GPC5: variants seen among roughly 807,000 people sequenced by gnomAD.
GPC5 encodes glypican 5.
Under a neutral mutation model 53.9 loss-of-function variants are expected in GPC5, and 47 were observed. The observed-to-expected ratio is 0.87, with a 90% CI of 0.69 to 1.11. GPC5 has a LOEUF of 1.11. Ranked by LOEUF, GPC5 falls within the 50% of genes most tolerant of loss-of-function variation. The pLI is 0.00. For synonymous variants in GPC5, 286 were observed against 263.3 expected (o/e 1.09, Z -0.84); for missense variants, 748 against 713.1 (o/e 1.05, Z -0.56).
At chr13:92,057,000 T>C (rs2041080185) in intron 6 of GPC5, among the ~76,000 whole-genome samples, 1 of 152,166 alleles carries the variant, frequency 6.6e-6, no homozygotes. Context: ...GATTAAAAAT[T>C]GACCATGAAT....
chr13:92,275,656 C>G (rs1296348922), intron 7 of GPC5, among the ~76,000 whole-genome samples: 1 of 151,974 alleles, frequency 6.6e-6, no homozygotes, highest in Non-Finnish European at 1.5e-5. Flanking sequence ...AGAAGAAGGG[C>G]CAAACCAAGC....
At chr13:92,248,235 G>C (rs1279142825) in intron 7 of GPC5, among the ~76,000 whole-genome samples, 2 of 152,154 alleles carry the variant, frequency 1.3e-5, no homozygotes, top group Middle Eastern at 3.4e-3. Flanking sequence ...AGCCCCATAG[G>C]CTGAGGGATT....
At position 92,497,865 on chromosome 13, in the gene GPC5, G is replaced by A. The variant is rs1020974612; in HGVS notation, c.1561+352876G>A. On this transcript the variant is annotated intron_variant, in intron 7 of 7. Coordinates refer to ENST00000377067, the MANE Select transcript of GPC5 (RefSeq NM_004466.6). The stretch of plus-strand genomic sequence containing the variant: ...CTCTCTTTGTAGTGATTGTGAATGG[G>A]AGTTCATTCATGATTTGTCTCTCTG... Among the ~76,000 whole-genome samples, 3 of 152,102 alleles carry A rather than the reference G, an allele frequency of 2.0e-5. No homozygotes were observed. In the East Asian group the frequency reaches 5.8e-4, roughly 30 times the overall value.
chr13:91,971,742 G>A (rs1355919674), intron 6 of GPC5, among the ~76,000 whole-genome samples: 9 of 152,202 alleles, frequency 5.9e-5, no homozygotes, highest in African/African-American at 2.2e-4. Flanking sequence ...TCATTCAGAA[G>A]CATGTTGTTA....
intron 6 of GPC5, among the ~76,000 whole-genome samples, chr13:92,073,413 G>A (rs2041228584): frequency 6.6e-6 from 1 of 152,136 alleles, no homozygotes; most frequent in South Asian, 2.1e-4. Flanking sequence ...TTCTGATCCA[G>A]TCTTCAGGGT....
In GPC5 at chr13:91,785,026, G is replaced by A. The variant is rs187853807; in HGVS notation, c.1280+28606G>A. Among the ~76,000 whole-genome samples, 37 of 152,240 alleles carry A rather than the reference G, an allele frequency of 2.4e-4. No individual in the cohort carries two copies. The East Asian group carries it at 5.8e-3, about 24-fold the overall frequency. ...ATTTGACACTTTATTTTTCCCCGTT[G>A]TTTGGTACAGTTCTTCTCGTGGCTA... On this transcript the variant is annotated intron_variant, in intron 5 of 7. Transcript: ENST00000377067.
chr13:92,089,502 CG>C (rs35031254), intron 6 of GPC5, among the ~76,000 whole-genome samples: 56,147 of 151,904 alleles, frequency 0.37, 11,295 homozygotes, highest in Admixed American at 0.47. Flanking sequence ...ATTTCCCACA[CG>C]GTTTTTTTAC....
intron 7 of GPC5, among the ~76,000 whole-genome samples, chr13:92,547,292 G>A (rs1210300454): frequency 6.6e-6 from 1 of 152,062 alleles, no homozygotes; most frequent in African/African-American, 2.4e-5. Context: ...AATCAGTGAA[G>A]GAATATATTT....
chr13:92,605,818 T>G (rs2139087807), intron 7 of GPC5, among the ~76,000 whole-genome samples: 1 of 151,296 alleles, frequency 6.6e-6, no homozygotes, highest in East Asian at 2.0e-4. Flanking sequence ...AAAGTTTGCC[T>G]GGATTTTTTT....
chr13:92,697,464 T>A (rs1887592250), intron 7 of GPC5, among the ~76,000 whole-genome samples: 1 of 152,184 alleles, frequency 6.6e-6, no homozygotes, highest in Non-Finnish European at 1.5e-5. Context: ...TTAGCAATTG[T>A]TAATGGGATT....
intron 7 of GPC5, among the ~76,000 whole-genome samples, chr13:92,803,751 C>A (rs1354269682): frequency 6.6e-6 from 1 of 151,888 alleles, no homozygotes; most frequent in African/African-American, 2.4e-5. Context: ...TTTTAAAAGG[C>A]TAATATCTAC....
chr13:92,376,409 T>G (rs1389288253), intron 7 of GPC5, among the ~76,000 whole-genome samples: 1 of 152,178 alleles, frequency 6.6e-6, no homozygotes, highest in Non-Finnish European at 1.5e-5. Context: ...ACTTGTCACC[T>G]TTTGAATGGG....
chr13:91,689,485 T>C (rs990215727), intron 2 of GPC5, among the ~76,000 whole-genome samples: 2 of 150,870 alleles, frequency 1.3e-5, no homozygotes, highest in African/African-American at 4.8e-5. Context: ...TATAATAAAT[T>C]TACTTTAAAC....
At chr13:91,450,455 G>A (rs1317282983) in intron 2 of GPC5, among the ~76,000 whole-genome samples, 1 of 151,684 alleles carries the variant, frequency 6.6e-6, no homozygotes, top group Non-Finnish European at 1.5e-5. Flanking sequence ...TAAAAAGGTG[G>A]ACTGGATTCA....
At chr13:91,447,887 C>T (rs1880913123) in intron 1 of GPC5, among the ~76,000 whole-genome samples, 1 of 151,850 alleles carries the variant, frequency 6.6e-6, no homozygotes, top group Non-Finnish European at 1.5e-5. Context: ...TTGGAATGCC[C>T]TGGGGCTCAC....
At chr13:92,343,358 A>T (rs2043383369) in intron 7 of GPC5, among the ~76,000 whole-genome samples, 1 of 152,202 alleles carries the variant, frequency 6.6e-6, no homozygotes, top group Non-Finnish European at 1.5e-5. Flanking sequence ...GAAAAAGCGT[A>T]TAATGCTTTC....
At chr13:92,804,810 TTGC>T (rs1351486769) in intron 7 of GPC5, among the ~76,000 whole-genome samples, 2 of 152,114 alleles carry the variant, frequency 1.3e-5, no homozygotes, top group African/African-American at 4.8e-5. Context: ...TTCTCAAACC[TTGC>T]TGCTGCTTTA....
intron 7 of GPC5, among the ~76,000 whole-genome samples, chr13:92,513,295 G>A (rs1414314388): frequency 4.6e-5 from 7 of 152,102 alleles, no homozygotes; most frequent in Admixed American, 2.0e-4. Flanking sequence ...TTAAACATAG[G>A]AGAACATGCA....
chr13:91,533,418 A>T (rs566797145), intron 2 of GPC5, among the ~76,000 whole-genome samples: 2 of 152,326 alleles, frequency 1.3e-5, no homozygotes, highest in African/African-American at 4.8e-5. Flanking sequence ...ATTTCTGAAT[A>T]AAAAACCCCA....
Sources: allele counts gnomAD v4.1 joint callset (sites outside exome capture counted in the v4.1 genomes callset), GRCh38; gene constraint gnomAD v4.1.1; transcripts MANE v1.5; gene names NCBI Gene and HGNC (gene_info 2026-07-23, HGNC 2026-07-21).